Variants in SPATA13 observed in about 807,000 individuals in gnomAD.
SPATA13 encodes the protein spermatogenesis associated 13.
A neutral mutation model predicts 104.0 loss-of-function variants in SPATA13; 50 were observed. The observed-to-expected ratio is 0.48, with a 90% CI of 0.38 to 0.61. SPATA13 has a LOEUF of 0.61. Among genes scored for constraint, SPATA13 ranks in the 20% least tolerant of loss-of-function variants. SPATA13 has a pLI of 0.00. For synonymous variants in SPATA13, 606 were observed against 667.5 expected, an observed-to-expected ratio of 0.91 and a Z score of 1.42; for missense variants, 1,524 against 1,690.6, an observed-to-expected ratio of 0.90 and a Z score of 1.73.
At chr13:24,166,188 G>T (rs1882726355) in intron 1 of SPATA13, among the ~76,000 whole-genome samples, 1 of 152,186 alleles carries the variant, frequency 6.6e-6, no homozygotes. Flanking sequence ...TATCTTTTGT[G>T]TACTAGATGC....
rs577775608 is a variant in SPATA13 at position 24,244,766 on chromosome 13, C to T, written c.1654-4711C>T. Among the ~76,000 whole-genome samples the T allele has an allele frequency of 1.2e-3, 185 of 152,238 alleles. 1 individual carries two copies. The highest frequency in any genetic ancestry group is 2.4e-3 in the Non-Finnish European group (160 of 68,016). On this transcript the variant is annotated intron_variant, in intron 2 of 12. Coordinates refer to ENST00000382108, the MANE Select transcript of SPATA13 (RefSeq NM_001166271.3). ...TAGTCCCAGCTTCCTGGGAAGCTGA[C>T]ACGGGAGGATCACCTGAGCCCAGGA...
intron 1 of SPATA13, among the ~76,000 whole-genome samples, chr13:24,195,158 T>C (rs9507270): frequency 0.43 from 65,126 of 152,028 alleles, 16,107 homozygotes; most frequent in Non-Finnish European, 0.56. Context: ...CTCCTGTCTC[T>C]ATGGATTTGC....
rs1355557992 is a variant in SPATA13 at position 24,250,936 on chromosome 13, T to C, written c.2020-782T>C. Among the ~76,000 whole-genome samples the C allele has an allele frequency of 2.0e-5, 3 of 152,340 alleles. No homozygotes were observed. The East Asian group carries it at 5.8e-4, about 29-fold the overall frequency. On this transcript the variant is annotated intron_variant, in intron 3 of 12. Transcript: ENST00000382108. Reference sequence around the variant, plus strand: ...GAATGTGCGAAGTAATTTTCTGTACTATAACCTAATGTAGGGAATTGAGTG... The same window carrying C: ...GAATGTGCGAAGTAATTTTCTGTACCATAACCTAATGTAGGGAATTGAGTG...
At chr13:24,195,258 A>T (rs1869989951) in intron 1 of SPATA13, among the ~76,000 whole-genome samples, 1 of 152,320 alleles carries the variant, frequency 6.6e-6, no homozygotes, top group Non-Finnish European at 1.5e-5. Flanking sequence ...TTCAGTGTGC[A>T]TTCATGTTGT....
chr13:24,104,357 A>C (rs2137805533), intron 3 of SPATA13, among the ~76,000 whole-genome samples: 1 of 152,300 alleles, frequency 6.6e-6, no homozygotes, highest in South Asian at 2.1e-4. Flanking sequence ...AAAATGAAAA[A>C]GCAATTTAGC....
At chr13:24,081,310 C>A (rs1446818552) in intron 3 of SPATA13, among the ~76,000 whole-genome samples, 2 of 151,990 alleles carry the variant, frequency 1.3e-5, no homozygotes, top group Non-Finnish European at 2.9e-5. Context: ...TATATGAGGC[C>A]CTTCTCTTAT....
At chr13:24,197,347 C>G (rs1370694931) in intron 1 of SPATA13, among the ~76,000 whole-genome samples, 1 of 152,160 alleles carries the variant, frequency 6.6e-6, no homozygotes, top group East Asian at 1.9e-4. Context: ...ATAAGTGTAT[C>G]AAAGTACAAC....
chr13:24,033,282 GA>G (rs1031269078), intron 3 of SPATA13, among the ~76,000 whole-genome samples: 1 of 152,122 alleles, frequency 6.6e-6, no homozygotes, highest in Non-Finnish European at 1.5e-5. Flanking sequence ...AAGTATAGAA[GA>G]AAAAAAGCAA....
At chr13:24,194,781 T>C (rs1419086468) in intron 1 of SPATA13, among the ~76,000 whole-genome samples, 1 of 152,238 alleles carries the variant, frequency 6.6e-6, no homozygotes, top group African/African-American at 2.4e-5. Flanking sequence ...CTTGTCGGAA[T>C]TTAATCAATG....
intron 3 of SPATA13, among the ~76,000 whole-genome samples, chr13:24,079,660 CTACTT>C (rs926825889): frequency 1.8e-4 from 28 of 152,168 alleles, no homozygotes; most frequent in Admixed American, 2.0e-4. Context: ...TTCCTGGGCT[CTACTT>C]TATTTTCTTT....
intron 3 of SPATA13, among the ~76,000 whole-genome samples, chr13:24,131,803 G>A (rs899139066): frequency 2.6e-5 from 4 of 152,170 alleles, no homozygotes; most frequent in East Asian, 1.9e-4. Context: ...TGGGAAGAGA[G>A]AGGATGAGGA....
chr13:24,057,626 C>A lies in SPATA13; in HGVS notation c.-112+39925C>A, dbSNP rs79488872. Among the ~76,000 whole-genome samples the A allele has an allele frequency of 9.2e-5, 14 of 152,170 alleles. No homozygotes were observed. In the East Asian group the frequency reaches 2.7e-3, roughly 29 times the overall value. On this transcript the variant is annotated intron_variant, in intron 3 of 14. Coordinates refer to the SPATA13 transcript ENST00000424834. ...CTCTACTTCTTTGTTTTCTCTCCAC[C>A]CTACCCCTATCCCCAACCTCCAACC...
At position 24,277,466 on chromosome 13, in the gene SPATA13, G is replaced by A. The variant is rs71429876; in HGVS notation, c.2165-6669G>A. Among the ~76,000 whole-genome samples, 104 of 95,424 alleles carry A rather than the reference G, an allele frequency of 1.1e-3. 4 individuals carry two copies. The highest frequency in any genetic ancestry group is 1.5e-3 in the Admixed American group (14 of 9,176). 62.6% of individuals were successfully genotyped at this position (95,424 alleles called of 152,430 possible). Reference sequence around the variant, plus strand: ...CTCAAAAAAAAAAAAAAAAAAAGAAGAAGTTCACCTTGGAAGTAATATATA... The same window carrying A: ...CTCAAAAAAAAAAAAAAAAAAAGAAAAAGTTCACCTTGGAAGTAATATATA... On this transcript the variant is annotated intron_variant, in intron 4 of 12. Coordinates refer to ENST00000382108, the MANE Select transcript of SPATA13 (RefSeq NM_001166271.3).
intron 3 of SPATA13, among the ~76,000 whole-genome samples, chr13:24,022,998 G>A (rs772607528): frequency 9.9e-5 from 15 of 151,848 alleles, no homozygotes; most frequent in South Asian, 2.1e-4. Context: ...GTGCAAGCTC[G>A]TTACATAGGT....
chr13:24,192,557 G>C (rs991329520), intron 1 of SPATA13, among the ~76,000 whole-genome samples: 3 of 152,110 alleles, frequency 2.0e-5, no homozygotes, highest in African/African-American at 7.2e-5. Flanking sequence ...GACATCTTGA[G>C]AGTCAAGACC....
chr13:24,083,860 G>GA (rs928724280), intron 3 of SPATA13, among the ~76,000 whole-genome samples: 2 of 152,120 alleles, frequency 1.3e-5, no homozygotes, highest in Non-Finnish European at 2.9e-5. Flanking sequence ...GTCACTGGGG[G>GA]AAAAAACCCC....
chr13:24,103,974 T>C (rs926287013), intron 3 of SPATA13, among the ~76,000 whole-genome samples: 3 of 152,182 alleles, frequency 2.0e-5, no homozygotes, highest in Admixed American at 2.0e-4. Context: ...TGACTCTAAG[T>C]AGGGCCGATT....
intron 3 of SPATA13, among the ~76,000 whole-genome samples, chr13:24,041,595 A>G (rs1191582637): frequency 6.6e-6 from 1 of 152,254 alleles, no homozygotes; most frequent in Non-Finnish European, 1.5e-5. Flanking sequence ...GTCAGGAACC[A>G]TGGTGATGTT....
intron 3 of SPATA13, among the ~76,000 whole-genome samples, chr13:24,082,074 C>A (rs1048616501): frequency 3.3e-5 from 5 of 152,264 alleles, no homozygotes; most frequent in Non-Finnish European, 7.3e-5. Context: ...AGGATGGAAC[C>A]TGGAATCATA....
Sources: gnomAD v4.1 joint callset for allele counts (sites outside exome capture counted in the v4.1 genomes callset) on GRCh38, gnomAD v4.1.1 for gene constraint, MANE v1.5 for transcripts, NCBI Gene and HGNC (gene_info 2026-07-23, HGNC 2026-07-21) for gene names.